Variants in NAA11 observed in about 807,000 individuals in gnomAD.
The protein encoded by NAA11 is N-alpha-acetyltransferase 11, NatA catalytic subunit.
A neutral mutation model predicts 16.1 loss-of-function variants in NAA11; 15 were observed. That is an observed-to-expected ratio of 0.93 (90% CI 0.62 to 1.44). NAA11 has a LOEUF of 1.44. Ranked by LOEUF, NAA11 falls within the 40% of genes most tolerant of loss-of-function variation. The pLI is 0.00. For missense variants in NAA11, 298 were observed against 291.3 expected, an observed-to-expected ratio of 1.02 and a Z score of -0.17; for synonymous variants, 122 against 112.4, an observed-to-expected ratio of 1.09 and a Z score of -0.54.
the NAA11 span, among the ~76,000 whole-genome samples, chr4:79,197,237 G>GT: frequency 7.9e-5 from 12 of 151,496 alleles, no homozygotes; most frequent in East Asian, 5.8e-4. Flanking sequence ...TTACTGAGGG[G>GT]TTTTTTTTAA....
the NAA11 span, among the ~76,000 whole-genome samples, chr4:79,185,880 A>G: frequency 6.6e-6 from 1 of 152,178 alleles, no homozygotes; most frequent in South Asian, 2.1e-4. Flanking sequence ...ATTAAAAAAA[A>G]AAAAACTTCA....
chr4:79,273,351 A>T (rs987933041), intron 2 of NAA11, among the ~76,000 whole-genome samples: 12 of 152,058 alleles, frequency 7.9e-5, no homozygotes, highest in African/African-American at 2.9e-4. Context: ...AAATCCATGC[A>T]CTAAAAAATA....
the NAA11 span, among the ~76,000 whole-genome samples, chr4:79,186,398 C>T: frequency 5.3e-5 from 8 of 152,240 alleles, no homozygotes; most frequent in Non-Finnish European, 1.0e-4. Context: ...TTGGAGTTGA[C>T]ATTTAATTCA....
chr4:79,196,862 T>C, the NAA11 span, among the ~76,000 whole-genome samples: 3 of 144,148 alleles, frequency 2.1e-5, no homozygotes, highest in Non-Finnish European at 4.5e-5. Context: ...CAGAGCAATA[T>C]GCTATGGAAA....
At chr4:79,300,149 A>T (rs761296016) in intron 1 of NAA11, among the ~76,000 whole-genome samples, 1 of 152,224 alleles carries the variant, frequency 6.6e-6, no homozygotes, top group African/African-American at 2.4e-5. Flanking sequence ...TAAAAATAAC[A>T]TTGAGAACTG....
At chr4:79,223,943 A>G (rs1025497871), downstream of NAA11, among the ~76,000 whole-genome samples, 5 of 152,106 alleles carry the variant, frequency 3.3e-5, no homozygotes, top group African/African-American at 9.7e-5. Context: ...ATCTCTCACT[A>G]TATTTCTCTC....
chr4:79,260,285 T>A lies in NAA11; in HGVS notation c.*122+33720A>T, dbSNP rs1163843908. Among the ~76,000 whole-genome samples the A allele has an allele frequency of 2.0e-5, 3 of 152,214 alleles. No homozygotes were observed. In the East Asian group the frequency reaches 5.8e-4, roughly 29 times the overall value. On this transcript the variant is annotated intron_variant and NMD_transcript_variant, in intron 2 of 2. Transcript: ENST00000511542. Reference sequence around the variant, plus strand: ...TTAATGGGAATATTTTGTCATTTAGTTTTGTTGCAAATGTCCATTGGTTTT... The same window carrying A: ...TTAATGGGAATATTTTGTCATTTAGATTTGTTGCAAATGTCCATTGGTTTT...
At chr4:79,174,013 G>T in the NAA11 span, among the ~76,000 whole-genome samples, 1 of 152,050 alleles carries the variant, frequency 6.6e-6, no homozygotes, top group Admixed American at 6.6e-5. Flanking sequence ...GACAGTCAGG[G>T]GGAGGGAGAC....
chr4:79,202,299 A>G, the NAA11 span, among the ~76,000 whole-genome samples: 7 of 151,542 alleles, frequency 4.6e-5, no homozygotes, highest in Middle Eastern at 3.4e-3. Flanking sequence ...ATTTGCAACA[A>G]CGTGGATGAA....
intron 2 of NAA11, among the ~76,000 whole-genome samples, chr4:79,243,453 T>G (rs1721738643): frequency 6.6e-6 from 1 of 152,252 alleles, no homozygotes. Flanking sequence ...TCTTTCAAAT[T>G]ATCTCGTTCA....
rs1338469045 is a variant in NAA11 at position 79,247,021 on chromosome 4, T to C, written c.*123-20751A>G. On this transcript the variant is annotated intron_variant and NMD_transcript_variant, in intron 2 of 2. Coordinates refer to the NAA11 transcript ENST00000511542. The stretch of plus-strand genomic sequence containing the variant: ...GAGGAAGCTGGAGTTGTAAGTCAAG[T>C]CAGGAATGTGAGTGAGGTCAAACGT... Among the ~76,000 whole-genome samples the C allele has an allele frequency of 3.3e-5, 5 of 152,036 alleles. No homozygotes were observed. In the East Asian group the frequency reaches 9.6e-4, roughly 29 times the overall value.
chr4:79,209,059 T>C, the NAA11 span, among the ~76,000 whole-genome samples: 3 of 152,048 alleles, frequency 2.0e-5, no homozygotes, highest in African/African-American at 7.2e-5. Context: ...GTACTAAACT[T>C]ACTGTCTTAA....
chr4:79,239,948 TTAC>T (rs1173026471), intron 2 of NAA11, among the ~76,000 whole-genome samples: 1 of 152,096 alleles, frequency 6.6e-6, no homozygotes, highest in Non-Finnish European at 1.5e-5. Context: ...TGGTGTGCAC[TTAC>T]CAAGGGTGAC....
chr4:79,214,903 C>T, the NAA11 span, among the ~76,000 whole-genome samples: 3 of 152,208 alleles, frequency 2.0e-5, no homozygotes, highest in Non-Finnish European at 2.9e-5. Context: ...CAAGAAGGCC[C>T]TTGCCAGATG....
intron 2 of NAA11, among the ~76,000 whole-genome samples, chr4:79,254,897 T>C (rs1722074062): frequency 6.6e-6 from 1 of 152,116 alleles, no homozygotes; most frequent in South Asian, 2.1e-4. Context: ...AAGTTGGTAT[T>C]ATTATCAGTA....
At chr4:79,170,942 A>T in the NAA11 span, among the ~76,000 whole-genome samples, 100 of 152,278 alleles carry the variant, frequency 6.6e-4, no homozygotes, top group Non-Finnish European at 1.0e-3. Context: ...ACAAAAAAAA[A>T]ATATAGCATT....
At chr4:79,238,989 G>A (rs4308381) in intron 2 of NAA11, among the ~76,000 whole-genome samples, 18,267 of 152,178 alleles carry the variant, frequency 0.12, 1,337 homozygotes, top group African/African-American at 0.19. Flanking sequence ...ACAGGAGCTG[G>A]TAAATTTGCT....
the NAA11 span, among the ~76,000 whole-genome samples, chr4:79,199,908 G>A: frequency 6.6e-6 from 1 of 151,820 alleles, no homozygotes; most frequent in Non-Finnish European, 1.5e-5. Flanking sequence ...TCCTATTATA[G>A]AACTGGAGTC....
At chr4:79,263,858 A>T (rs1225555261) in intron 2 of NAA11, among the ~76,000 whole-genome samples, 2 of 152,210 alleles carry the variant, frequency 1.3e-5, no homozygotes, top group African/African-American at 2.4e-5. Context: ...TCACTAAGGA[A>T]ATAAAAGCCA....
Sources: allele counts gnomAD v4.1 joint callset (sites outside exome capture counted in the v4.1 genomes callset), GRCh38; gene constraint gnomAD v4.1.1; transcripts MANE v1.5; gene names NCBI Gene and HGNC (gene_info 2026-07-23, HGNC 2026-07-21).